The following WASHC5 variants were observed in gnomAD, a reference collection of about 807,000 sequenced individuals.
The protein encoded by WASHC5 is WASH complex subunit strumpellin.
In WASHC5, 101 loss-of-function variants were observed where a neutral mutation model predicts 150.4. The observed-to-expected ratio is 0.67, with a 90% CI of 0.57 to 0.79. The LOEUF (loss-of-function observed/expected upper bound fraction) is 0.79. Ranked by LOEUF, WASHC5 falls within the 30% of genes least tolerant of loss-of-function variation. The pLI is 0.00. For synonymous variants in WASHC5, 467 were observed against 491.2 expected (o/e 0.95, Z 0.65); for missense variants, 1,195 against 1,396.3 (o/e 0.86, Z 2.30).
chr8:125,034,608 CA>C (rs1428716696), intron 26 of WASHC5, among the ~76,000 whole-genome samples: 2 of 152,146 alleles, frequency 1.3e-5, no homozygotes, highest in Non-Finnish European at 2.9e-5. Flanking sequence ...GTAACTGGCA[CA>C]ACCACTTTGG....
At chr8:125,052,600 CACACACACT>C (rs1214861637) in intron 17 of WASHC5, among the ~76,000 whole-genome samples, 85 of 123,820 alleles carry the variant, frequency 6.9e-4, no homozygotes, top group Non-Finnish European at 1.4e-3. Flanking sequence ...GCATGTATAT[CACACACACT>C]ACACACACAC....
At chr8:125,029,082 A>T (rs1586329937) in intron 27 of WASHC5, among the ~76,000 whole-genome samples, 1 of 145,958 alleles carries the variant, frequency 6.9e-6, no homozygotes, top group South Asian at 2.2e-4. Context: ...GCCAGGCTGG[A>T]GTGCAGTGGT....
chr8:125,083,354 G>T, intron 2 of WASHC5, 96 bp from the exon 3 acceptor site: 1 of 1,149,252 alleles, frequency 8.7e-7, no homozygotes, highest in Non-Finnish European at 1.3e-6. Flanking sequence ...TATGTTATTA[G>T]ACATCCCAAA....
chr8:125,025,664 G>C (rs1815357822), intron 28 of WASHC5, among the ~76,000 whole-genome samples: 1 of 152,160 alleles, frequency 6.6e-6, no homozygotes, highest in Non-Finnish European at 1.5e-5. Context: ...CTCCAGCCTG[G>C]CGACAGATGG....
intron 26 of WASHC5, among the ~76,000 whole-genome samples, chr8:125,035,434 T>C (rs1433880715): frequency 1.3e-5 from 2 of 152,242 alleles, no homozygotes; most frequent in Admixed American, 1.3e-4. Flanking sequence ...GAATCATATA[T>C]TCCTATTGAA....
chr8:125,055,632 C>T lies in WASHC5; in HGVS notation c.2056G>A (p.Gly686Ser), dbSNP rs1816382675. Reference sequence around the variant, plus strand: ...AAAGTCGTTTTCATCATTAAGATGCCTTCAGTAAAAATGGAAATAGCATGA... The same window carrying T: ...AAAGTCGTTTTCATCATTAAGATGCTTTCAGTAAAAATGGAAATAGCATGA... The part of the protein sequence containing the change: ...LTHAISIFTE[G>S]ILMMKTTLVG... Residue 686 changes from glycine to serine, a missense_variant, in exon 17 of 29, where the codon GGC becomes AGC. This residue lies in a region of WASHC5 where 997 missense variants were observed against 1,168.1 expected (regional missense o/e 0.85). Coordinates refer to ENST00000318410, the MANE Select transcript of WASHC5 (RefSeq NM_014846.4). 10 of 1,613,166 alleles carry T rather than the reference C, an allele frequency of 6.2e-6. No individual in the cohort carries two copies. The highest frequency in any genetic ancestry group is 8.5e-6 in the Non-Finnish European group (10 of 1,179,300).
Position 125,061,153 on chromosome 8 carries a change from A to T in WASHC5, c.1450T>A (p.Leu484Met). The T allele has an allele frequency of 1.9e-6, 3 of 1,611,994 alleles. No individual in the cohort carries two copies. Among genetic ancestry groups the T allele is most frequent in the Non-Finnish European group, 2.5e-6 (3 of 1,178,196 alleles). ...AWFREISKQI[L>M]SLNYDDSTAA... ...GTAGAATCATCATAATTTAAAGACA[A>T]TATTTGTTTTGAGATCTCTCTGAAC... is the stretch of plus-strand genomic sequence containing the variant. Residue 484 changes from leucine (L) to methionine (M), a missense_variant, in exon 12 of 29, where the codon TTG becomes ATG. Around this residue, in one of 3 missense-constraint regions of WASHC5, gnomAD observed 997 missense variants for 1,168.1 expected, o/e 0.85. Coordinates refer to ENST00000318410, the MANE Select transcript of WASHC5 (RefSeq NM_014846.4).
rs758008454 is a variant in WASHC5, at chr8:125,083,736, T to C, written c.163A>G (p.Ile55Val). The change falls in exon 2 of 29, where the codon ATA (isoleucine) becomes GTA (valine). Residue 55 changes from isoleucine to valine, a missense_variant. Physicochemically the swap from Ile to Val is conservative, Grantham distance 29. Around this residue, in one of 3 missense-constraint regions of WASHC5, gnomAD observed 195 missense variants for 206.9 expected, o/e 0.94. Transcript: ENST00000318410. ...ACCTTAAAATAGCTGAAATCAAATA[T>C]GATATCTCCATATTTCTGTTGATCA... Reference protein sequence around the residue: ...RADQQKYGDIIFDFSYFKGPE... With the variant: ...RADQQKYGDIVFDFSYFKGPE... 28 of 1,613,004 alleles carry C rather than the reference T, an allele frequency of 1.7e-5. No homozygotes were observed. Among genetic ancestry groups the C allele is most frequent in the Non-Finnish European group, 2.3e-5 (27 of 1,179,122 alleles).
chr8:125,083,578 A>G, intron 2 of WASHC5, 135 bp downstream of exon 2: 1 of 686,528 alleles, frequency 1.5e-6, no homozygotes, highest in Non-Finnish European at 2.4e-6. Flanking sequence ...TTAGTAGCTA[A>G]TATTAAGTTT....
intron 28 of WASHC5, among the ~76,000 whole-genome samples, chr8:125,025,522 T>A (rs531998818): frequency 6.6e-6 from 1 of 152,054 alleles, no homozygotes; most frequent in Non-Finnish European, 1.5e-5. Context: ...ATCCCATCTC[T>A]ACTGAAAATA....
chr8:125,053,887 A>G (rs1402913808), intron 17 of WASHC5, among the ~76,000 whole-genome samples: 1 of 152,242 alleles, frequency 6.6e-6, no homozygotes, highest in Non-Finnish European at 1.5e-5. Flanking sequence ...AAAGTGGATA[A>G]TATCAAGTAT....
At chr8:125,030,637 T>TTAAA (rs752523861) in intron 27 of WASHC5, among the ~76,000 whole-genome samples, 1 of 52,788 alleles carries the variant, frequency 1.9e-5, no homozygotes, top group African/African-American at 7.2e-5. Flanking sequence ...CTCTTTCTCA[T>TTAAA]AAAAAAAAAA....
intron 28 of WASHC5, among the ~76,000 whole-genome samples, chr8:125,025,146 A>AGCAGGAAGG (rs1282817887): frequency 6.6e-6 from 1 of 152,134 alleles, no homozygotes; most frequent in Non-Finnish European, 1.5e-5. Flanking sequence ...GCATTCCTGA[A>AGCAGGAAGG]CTGTTCTTGG....
chr8:125,041,907 TAAA>T (rs1815900341), intron 23 of WASHC5, among the ~76,000 whole-genome samples: 3 of 152,174 alleles, frequency 2.0e-5, no homozygotes. Flanking sequence ...TCAGGCCACA[TAAA>T]AATGTCCCTG....
intron 9 of WASHC5, among the ~76,000 whole-genome samples, chr8:125,070,381 C>T (rs1014189140): frequency 2.0e-5 from 3 of 152,162 alleles, no homozygotes; most frequent in East Asian, 1.9e-4. Context: ...CAGGCACAAA[C>T]GCAAAAGACA....
chr8:125,047,367 T>C, intron 19 of WASHC5, 36 bp from the exon 20 acceptor site: 2 of 1,598,900 alleles, frequency 1.3e-6, no homozygotes, highest in East Asian at 2.2e-5. Flanking sequence ...AGTAAACCTT[T>C]GATAAGATAA....
intron 17 of WASHC5, among the ~76,000 whole-genome samples, chr8:125,051,719 C>G (rs963377135): frequency 6.6e-6 from 1 of 152,144 alleles, no homozygotes; most frequent in African/African-American, 2.4e-5. Context: ...GAAACCCCGT[C>G]TCTACTAAAA....
Position 125,025,078 on chromosome 8 carries a change from G to A in WASHC5, c.3424-405C>T, listed in dbSNP as rs560056016. ...GGGTTGGAGAGGTAGGGGAGGGCAG[G>A]AATGAGAATGAGATACCAAGGCCAG... On this transcript the variant is annotated intron_variant, in intron 28 of 28. Transcript: ENST00000318410. Among the ~76,000 whole-genome samples the A allele has an allele frequency of 8.5e-5, 13 of 152,172 alleles. No homozygotes were observed. The South Asian group carries it at 2.7e-3, about 32-fold the overall frequency.
At chr8:125,037,711 A>T (rs1375595753) in intron 25 of WASHC5, among the ~76,000 whole-genome samples, 1 of 151,746 alleles carries the variant, frequency 6.6e-6, no homozygotes, top group Non-Finnish European at 1.5e-5. Context: ...GGGAGAGAGA[A>T]GAGAGAGAGA....
Sources: allele counts gnomAD v4.1 joint callset (sites outside exome capture counted in the v4.1 genomes callset), GRCh38; gene constraint gnomAD v4.1.1; regional missense constraint gnomAD v4.1.1; transcripts MANE v1.5; gene names NCBI Gene and HGNC (gene_info 2026-07-23, HGNC 2026-07-21).